Variants in BPI observed in about 807,000 individuals in gnomAD.
BPI encodes the protein bactericidal permeability-increasing protein.
Under a neutral mutation model 57.6 loss-of-function variants are expected in BPI, and 48 were observed. The observed-to-expected ratio is 0.83, with a 90% CI of 0.66 to 1.06. The LOEUF (loss-of-function observed/expected upper bound fraction) is 1.06, where lower values mean the gene tolerates loss of function less well. Ranked by LOEUF, BPI falls within the 50% of genes least tolerant of loss-of-function variation. The pLI is 0.00. For synonymous variants in BPI, 237 were observed against 238.2 expected (o/e 0.99, Z 0.05); for missense variants, 651 against 609.7 (o/e 1.07, Z -0.71).
intron 12 of BPI, among the ~76,000 whole-genome samples, chr20:38,331,830 T>C (rs1347375152): frequency 2.2e-5 from 3 of 139,156 alleles, no homozygotes; most frequent in Non-Finnish European, 4.6e-5. Flanking sequence ...TGTGACAGAG[T>C]GAAATCTTGT....
chr20:38,331,242 A>G, intron 12 of BPI, 152 bp downstream of exon 12: 4 of 958,158 alleles, frequency 4.2e-6, no homozygotes. Context: ...CTTCGTGGGC[A>G]GAGGGACCTG....
At chr20:38,335,196 G>T (rs1308969231) in intron 13 of BPI, among the ~76,000 whole-genome samples, 3 of 152,168 alleles carry the variant, frequency 2.0e-5, no homozygotes, top group African/African-American at 7.2e-5. Context: ...TATGTGGGGG[G>T]CTTGCCCTGG....
intron 7 of BPI, among the ~76,000 whole-genome samples, chr20:38,321,426 A>T (rs1423036150): frequency 6.6e-6 from 1 of 152,032 alleles, no homozygotes; most frequent in African/African-American, 2.4e-5. Flanking sequence ...CATTTGTCCT[A>T]GCTGTTCCCC....
rs369264578 is a variant in BPI, at chr20:38,318,430, C to G, written c.618C>G (p.Thr206=). The G allele has an allele frequency of 1.4e-5, 23 of 1,613,672 alleles. No individual in the cohort carries two copies. The African/African-American group carries it at 3.1e-4, about 22-fold the overall frequency. ...KMNSQVCEKV[T]NSVSSELQPY... is the part of the protein sequence containing the mutation. ...CTCCCCAGGTCTGCGAGAAAGTGAC[C>G]AATTCTGTATCCTCCGAGCTGCAAC... Residue 206 remains threonine (T), a synonymous_variant, in exon 6 of 15, where the codon ACC becomes ACG. Transcript: ENST00000642449.
intron 14 of BPI, among the ~76,000 whole-genome samples, chr20:38,336,705 C>A (rs879319800): frequency 3.9e-5 from 6 of 152,048 alleles, no homozygotes; most frequent in Admixed American, 2.0e-4. Flanking sequence ...AAACACATAC[C>A]GCATATTCCT....
intron 7 of BPI, among the ~76,000 whole-genome samples, chr20:38,322,248 A>G (rs1174811153): frequency 1.3e-5 from 2 of 152,118 alleles, no homozygotes; most frequent in African/African-American, 4.8e-5. Context: ...GTCTCTGTCT[A>G]TCCTTGAGTA....
intron 9 of BPI, among the ~76,000 whole-genome samples, chr20:38,325,695 C>G (rs1010421888): frequency 5.9e-5 from 9 of 152,078 alleles, no homozygotes; most frequent in African/African-American, 2.2e-4. Flanking sequence ...TGGTGAAACC[C>G]CAGAAATTTC....
intron 11 of BPI, 94 bp downstream of exon 11, chr20:38,327,749 T>C: frequency 7.0e-7 from 1 of 1,430,014 alleles, no homozygotes; most frequent in South Asian, 1.2e-5. Flanking sequence ...AGCACTGCAT[T>C]GTTGTTTTCC....
intron 6 of BPI, among the ~76,000 whole-genome samples, chr20:38,319,290 G>A (rs1266267949): frequency 4.6e-5 from 7 of 152,150 alleles, no homozygotes; most frequent in Non-Finnish European, 1.5e-5. Context: ...GGCTCAGAGA[G>A]TAGGTGAGAC....
chr20:38,312,275 A>AAT (rs2076625635), intron 5 of BPI, among the ~76,000 whole-genome samples: 1 of 149,760 alleles, frequency 6.7e-6, no homozygotes, highest in Non-Finnish European at 1.5e-5. Context: ...GCCTCCCTCC[A>AAT]CCCCACCCAC....
At chr20:38,333,423 A>AT (rs906154779) in intron 12 of BPI, among the ~76,000 whole-genome samples, 1 of 152,272 alleles carries the variant, frequency 6.6e-6, no homozygotes, top group Admixed American at 6.5e-5. Context: ...ACTATTTTTA[A>AT]TTTTTTTTAT....
chr20:38,325,760 A>G (rs1462483219), intron 9 of BPI, among the ~76,000 whole-genome samples: 1 of 152,034 alleles, frequency 6.6e-6, no homozygotes, highest in East Asian at 1.9e-4. Context: ...GGTGTCCAGG[A>G]GTGTTGTCTT....
intron 5 of BPI, 84 bp from the exon 6 acceptor site, chr20:38,318,329 G>C: frequency 7.1e-7 from 1 of 1,407,946 alleles, no homozygotes; most frequent in Non-Finnish European, 1.0e-6. Flanking sequence ...TTCAAGGAAA[G>C]CAAGGCATAT....
chr20:38,306,022 T>C (rs1471941839), intron 1 of BPI, among the ~76,000 whole-genome samples: 2 of 152,170 alleles, frequency 1.3e-5, no homozygotes, highest in Non-Finnish European at 2.9e-5. Flanking sequence ...TATTTATTCA[T>C]CTAATAAATC....
At chr20:38,329,987 A>G (rs527613884) in intron 11 of BPI, among the ~76,000 whole-genome samples, 1 of 152,304 alleles carries the variant, frequency 6.6e-6, no homozygotes, top group East Asian at 1.9e-4. Context: ...TGCTGGGATT[A>G]CAGGCATGAT....
Position 38,331,702 on chromosome 20 carries a change from G to A in BPI, c.1272+612G>A, listed in dbSNP as rs532672967. On this transcript the variant is annotated intron_variant, in intron 12 of 14. Coordinates refer to ENST00000642449, the MANE Select transcript of BPI (RefSeq NM_001725.3). ...CTTATAAAAAATAAAAATTAGGTGG[G>A]TGTGGTGGCATGCACATGTAGTCCC... Among the ~76,000 whole-genome samples, 33 of 152,200 alleles carry A rather than the reference G, an allele frequency of 2.2e-4. No homozygotes were observed. In the South Asian group the frequency reaches 5.6e-3, roughly 26 times the overall value.
At chr20:38,327,171 A>G (rs1453782824) in intron 10 of BPI, among the ~76,000 whole-genome samples, 1 of 152,234 alleles carries the variant, frequency 6.6e-6, no homozygotes, top group Non-Finnish European at 1.5e-5. Flanking sequence ...TCCCAAGCTG[A>G]GACCTGTTAT....
At position 38,334,445 on chromosome 20, in the gene BPI, G is replaced by A. The variant is rs1479665815; in HGVS notation, c.1288G>A (p.Asp430Asn). The A allele has an allele frequency of 1.2e-5, 20 of 1,613,904 alleles. No individual in the cohort carries two copies. Among genetic ancestry groups the A allele is most frequent in the Non-Finnish European group, 1.7e-5 (20 of 1,179,890 alleles). Residue 430 changes from aspartate (D) to asparagine (N), a missense_variant, in exon 13 of 15, where the codon GAT (aspartate) becomes AAT (asparagine). Transcript: ENST00000642449. ...TGATTTCCAGGTTGAATTGCTGCAG[G>A]ATATCATGAACTACATTGTACCCAT... ...IGPFPVELLQ[D>N]IMNYIVPILV...
At chr20:38,322,616 A>G (rs2076692225) in intron 7 of BPI, among the ~76,000 whole-genome samples, 1 of 152,126 alleles carries the variant, frequency 6.6e-6, no homozygotes, top group Non-Finnish European at 1.5e-5. Flanking sequence ...GTCCATCTTT[A>G]TTATTATTAT....
Sources: allele counts gnomAD v4.1 joint callset (sites outside exome capture counted in the v4.1 genomes callset), GRCh38; gene constraint gnomAD v4.1.1; transcripts MANE v1.5; gene names NCBI Gene and HGNC (gene_info 2026-07-23, HGNC 2026-07-21).